USP33: variants seen among roughly 807,000 people sequenced by gnomAD.
USP33 encodes the protein ubiquitin carboxyl-terminal hydrolase 33.
USP33 carries 46 observed loss-of-function variants against 124.2 expected under a neutral mutation model. The observed-to-expected ratio is 0.37, with a 90% CI of 0.29 to 0.47. The LOEUF is 0.47. Ranked by LOEUF, USP33 falls within the 20% of genes least tolerant of loss-of-function variation. The pLI is 0.99. For synonymous variants in USP33, 350 were observed against 352.3 expected (o/e 0.99, Z 0.07); for missense variants, 851 against 1,070.6 (o/e 0.79, Z 2.86).
In USP33 at chr1:77,697,443, T is replaced by C. The variant is rs752140843; in HGVS notation, c.2610A>G (p.Thr870=). The change falls in exon 24 of 24, where the codon ACA becomes ACG. Residue 870 remains threonine, a synonymous_variant. Transcript: ENST00000370794. The part of the protein sequence containing the change: ...GADSGQISEE[T]WNFLQSIYGG... ...CATAAATAGACTGCAGAAAATTCCA[T>C]GTTTCTTCAGAAATCTGGCCAGAAT... 6.2e-6 allele frequency: 10 copies of C among 1,605,574 alleles called. No homozygotes were observed. The highest frequency in any genetic ancestry group is 8.5e-6 in the Non-Finnish European group (10 of 1,178,142).
intron 4 of USP33, among the ~76,000 whole-genome samples, chr1:77,739,944 AT>A (rs1678925603): frequency 1.3e-5 from 2 of 152,196 alleles, no homozygotes; most frequent in East Asian, 3.8e-4. Context: ...TACACAGCAA[AT>A]ACCATCTTAG....
At chr1:77,747,420 A>G (rs1184998661) in intron 1 of USP33, among the ~76,000 whole-genome samples, 1 of 151,932 alleles carries the variant, frequency 6.6e-6, no homozygotes, top group South Asian at 2.1e-4. Context: ...CCACCTGGCT[A>G]ATTTTTAACT....
At chr1:77,751,899 A>T (rs1680372753) in intron 1 of USP33, among the ~76,000 whole-genome samples, 1 of 152,022 alleles carries the variant, frequency 6.6e-6, no homozygotes, top group African/African-American at 2.4e-5. Flanking sequence ...TGTGTTAGCC[A>T]GGATGGTCTC....
chr1:77,713,272 G>A lies in USP33; in HGVS notation c.2225C>T (p.Pro742Leu), dbSNP rs1393154646. The change falls in exon 20 of 24, where the codon CCA (proline) becomes CTA (leucine). Residue 742 changes from proline to leucine, a missense_variant. Pro to Leu is a moderately conservative substitution (Grantham distance 98). Coordinates refer to ENST00000370794, the MANE Select transcript of USP33 (RefSeq NM_201624.3). ...GTCTTCAATATAACCAGCTTTTCTT[G>A]GAGGAACACCTAAAAAAATATATAA... Reference protein sequence around the residue: ...DFLCIHGGVPPRKAGYIEDLV... With the variant: ...DFLCIHGGVPLRKAGYIEDLV... 1 of 1,569,162 alleles carries A rather than the reference G, an allele frequency of 6.4e-7. No homozygotes were observed. The highest frequency in any genetic ancestry group is 8.6e-7 in the Non-Finnish European group (1 of 1,166,350).
intron 21 of USP33, 126 bp downstream of exon 21, chr1:77,711,621 C>T: frequency 6.9e-7 from 1 of 1,458,120 alleles, no homozygotes; most frequent in Non-Finnish European, 9.1e-7. Context: ...CACCATTATG[C>T]ACCTAGAACA....
intron 1 of USP33, among the ~76,000 whole-genome samples, chr1:77,752,849 C>T (rs1056807407): frequency 1.1e-4 from 16 of 150,924 alleles, no homozygotes; most frequent in Admixed American, 5.9e-4. Context: ...AGGCCGAGGC[C>T]GGTGGATCAC....
Position 77,737,856 on chromosome 1 carries a change from G to A in USP33, c.351+1409C>T, listed in dbSNP as rs375466513. Among the ~76,000 whole-genome samples, 7 of 152,196 alleles carry A rather than the reference G, an allele frequency of 4.6e-5. No homozygotes were observed. In the South Asian group the frequency reaches 1.2e-3, roughly 27 times the overall value. On this transcript the variant is annotated intron_variant, in intron 5 of 23. Coordinates refer to ENST00000370794, the MANE Select transcript of USP33 (RefSeq NM_201624.3). ...ATAGTTTTGCCTTTATATATTATTA[G>A]TTCCTTGTGTGATTAAACTTTAGTC... is the stretch of plus-strand genomic sequence containing the variant.
At chr1:77,725,570 A>G (rs924833366) in intron 11 of USP33, 52 bp downstream of exon 11, 1 of 1,567,942 alleles carries the variant, frequency 6.4e-7, no homozygotes, top group African/African-American at 1.4e-5. Flanking sequence ...CAAAACCATC[A>G]TTTTAAACTA....
intron 15 of USP33, chr1:77,720,205 T>A: frequency 2.6e-6 from 1 of 383,166 alleles, no homozygotes; most frequent in Non-Finnish European, 3.5e-6. Context: ...CCTTTATTCT[T>A]ACATGTGGAA....
Position 77,736,204 on chromosome 1 carries a change from T to A in USP33, c.352-46A>T, listed in dbSNP as rs12121287. The stretch of plus-strand genomic sequence containing the variant: ...GCACACTTGAACAAATCCTTAAATT[T>A]AAAAAAAGTTTTAATTGTAACTTAT... On this transcript the variant is annotated intron_variant, in intron 5 of 23. Coordinates refer to ENST00000370794, the MANE Select transcript of USP33 (RefSeq NM_201624.3). 140,143 of 1,348,162 alleles carry A rather than the reference T, an allele frequency of 0.1. 8,216 individuals are homozygous for A. The highest frequency in any genetic ancestry group is 0.18 in the Middle Eastern group (743 of 4,242). 83.5% of individuals were successfully genotyped at this position (1,348,162 alleles called of 1,614,324 possible).
At chr1:77,719,644 G>C (rs1676328232) in intron 15 of USP33, among the ~76,000 whole-genome samples, 2 of 152,082 alleles carry the variant, frequency 1.3e-5, no homozygotes, top group African/African-American at 2.4e-5. Flanking sequence ...CCTGAGGTCA[G>C]GAGTTTAAGA....
At chr1:77,723,601 G>A (rs1676821105) in intron 11 of USP33, among the ~76,000 whole-genome samples, 158 bp from the exon 12 acceptor site, 2 of 151,948 alleles carry the variant, frequency 1.3e-5, no homozygotes, top group Admixed American at 6.6e-5. Context: ...CTCTTCAAAA[G>A]AGCATAAGTA....
chr1:77,739,507 T>C, intron 4 of USP33, 90 bp from the exon 5 acceptor site: 1 of 1,293,526 alleles, frequency 7.7e-7, no homozygotes, highest in Non-Finnish European at 1.0e-6. Context: ...GATAAACTGC[T>C]TGCCTTTGAT....
At chr1:77,741,053 A>G (rs1679064102) in intron 3 of USP33, 114 bp from the exon 4 acceptor site, 2 of 718,850 alleles carry the variant, frequency 2.8e-6, no homozygotes, top group African/African-American at 3.6e-5. Flanking sequence ...TTTACATTCA[A>G]TGAGTAAATG....
In USP33 at chr1:77,714,637, T is replaced by C. The variant is rs1675658961; in HGVS notation, c.2192A>G (p.Asn731Ser). The change falls in exon 19 of 24, where the codon AAT becomes AGT. Residue 731 changes from asparagine to serine, a missense_variant. Coordinates refer to ENST00000370794, the MANE Select transcript of USP33 (RefSeq NM_201624.3). ...TFAEPGPISN[N>S]DFLCIHGGVP... ...ACCTCCATGAATACAAAGAAAGTCATTATTTGAAATAGGGCCAGGTTCGGC... is the reference window on the plus strand; with the variant it reads ...ACCTCCATGAATACAAAGAAAGTCACTATTTGAAATAGGGCCAGGTTCGGC... 6.2e-7 allele frequency: 1 copy of C among 1,613,152 alleles called. No individual in the cohort carries two copies. Among genetic ancestry groups the C allele is most frequent in the South Asian group, 1.1e-5 (1 of 90,984 alleles).
chr1:77,709,876 T>TACACAC, intron 21 of USP33, among the ~76,000 whole-genome samples: 1 of 116,442 alleles, frequency 8.6e-6, no homozygotes, highest in South Asian at 3.9e-4. Flanking sequence ...TATACATGCA[T>TACACAC]ACACATACAC....
At chr1:77,746,908 T>G (rs576752810) in intron 1 of USP33, among the ~76,000 whole-genome samples, 1 of 152,282 alleles carries the variant, frequency 6.6e-6, no homozygotes, top group African/African-American at 2.4e-5. Context: ...GTTATAATAT[T>G]TCACTAGTAC....
chr1:77,718,581 A>C lies in USP33; in HGVS notation c.1737+15T>G. 6.3e-7 allele frequency: 1 copy of C among 1,582,936 alleles called. No homozygotes were observed. Among genetic ancestry groups the C allele is most frequent in the Non-Finnish European group, 8.7e-7 (1 of 1,155,054 alleles). ...CTACCACACAATATAAGTTGAATTA[A>C]AATAATGCCCATACCTCAGGAAAGT... On this transcript the variant is annotated intron_variant, in intron 16 of 23. Coordinates refer to ENST00000370794, the MANE Select transcript of USP33 (RefSeq NM_201624.3).
At chr1:77,746,398 C>T (rs143821819) in intron 1 of USP33, 2,718 of 152,278 alleles carry the variant, frequency 0.018, 49 homozygotes, top group East Asian at 0.099. Context: ...AGCCTACCAA[C>T]CAAAAAAAGT....
Sources: gnomAD v4.1 joint callset for allele counts (sites outside exome capture counted in the v4.1 genomes callset) on GRCh38, gnomAD v4.1.1 for gene constraint, MANE v1.5 for transcripts, NCBI Gene and HGNC (gene_info 2026-07-23, HGNC 2026-07-21) for gene names.